The following PCCA variants were observed in gnomAD, a reference collection of about 807,000 sequenced individuals.
The protein encoded by PCCA is propionyl-CoA carboxylase subunit alpha.
PCCA carries 74 observed loss-of-function variants against 101.3 expected under a neutral mutation model. The observed-to-expected ratio is 0.73, with a 90% CI of 0.61 to 0.89. PCCA has a LOEUF of 0.89. Among genes scored for constraint, PCCA ranks in the 40% least tolerant of loss-of-function variants. PCCA has a pLI of 0.00. For missense variants in PCCA, 891 were observed against 907.0 expected, an observed-to-expected ratio of 0.98 and a Z score of 0.23; for synonymous variants, 294 against 313.6, an observed-to-expected ratio of 0.94 and a Z score of 0.66.
intron 19 of PCCA, among the ~76,000 whole-genome samples, chr13:100,420,098 T>C (rs914726142): frequency 1.3e-5 from 2 of 152,254 alleles, no homozygotes; most frequent in African/African-American, 4.8e-5. Flanking sequence ...TGCCTCAGGA[T>C]ATTATGTCAT....
chr13:100,291,857 C>G (rs945979750), intron 12 of PCCA, among the ~76,000 whole-genome samples: 4 of 152,198 alleles, frequency 2.6e-5, no homozygotes, highest in African/African-American at 7.2e-5. Context: ...CTTTGCAAGC[C>G]AGTCTGTCTC....
At chr13:100,120,702 T>TTGGTCA (rs1156301452) in intron 4 of PCCA, among the ~76,000 whole-genome samples, 13 of 152,100 alleles carry the variant, frequency 8.5e-5, no homozygotes, top group African/African-American at 2.9e-4. Flanking sequence ...GAAAGCAAAA[T>TTGGTCA]GGGAGTTAAG....
In PCCA at chr13:100,300,376, C is replaced by A. The variant is rs559863677; in HGVS notation, c.1066-1084C>A. 1.1e-4 allele frequency among the ~76,000 whole-genome samples: 16 copies of A among 152,068 alleles called. No homozygotes were observed. The South Asian group carries it at 3.3e-3, about 32-fold the overall frequency. On this transcript the variant is annotated intron_variant, in intron 12 of 23. Coordinates refer to ENST00000376285, the MANE Select transcript of PCCA (RefSeq NM_000282.4). ...TTTTTTAAGACTATGGCATTGTCTGCTTATGATAAGCTTCAAGATTATTAT... is the reference window on the plus strand; with the variant it reads ...TTTTTTAAGACTATGGCATTGTCTGATTATGATAAGCTTCAAGATTATTAT...
intron 15 of PCCA, 48 bp downstream of exon 15, chr13:100,307,308 T>C: frequency 7.8e-7 from 1 of 1,278,610 alleles, no homozygotes; most frequent in Non-Finnish European, 1.1e-6. Context: ...GAAAAATCAA[T>C]GATATTTAAA....
chr13:100,345,934 C>A (rs1394671160), intron 18 of PCCA, among the ~76,000 whole-genome samples: 1 of 151,732 alleles, frequency 6.6e-6, no homozygotes, highest in African/African-American at 2.4e-5. Context: ...ACATTTACAG[C>A]ATCATTTACT....
At chr13:100,179,522 G>C (rs1462570080) in intron 6 of PCCA, among the ~76,000 whole-genome samples, 1 of 152,112 alleles carries the variant, frequency 6.6e-6, no homozygotes, top group Non-Finnish European at 1.5e-5. Context: ...AGCTCAGTTT[G>C]GTCATGAATA....
At chr13:100,431,359 A>T (rs1417054594) in intron 20 of PCCA, among the ~76,000 whole-genome samples, 1 of 152,134 alleles carries the variant, frequency 6.6e-6, no homozygotes, top group Admixed American at 6.5e-5. Context: ...ATGTGTTGAT[A>T]AAGTAGCTTC....
At chr13:100,347,073 C>T (rs2072365444) in intron 18 of PCCA, among the ~76,000 whole-genome samples, 1 of 152,154 alleles carries the variant, frequency 6.6e-6, no homozygotes. Context: ...GACGGGGTTT[C>T]ACCGTGTTAG....
intron 18 of PCCA, among the ~76,000 whole-genome samples, chr13:100,353,373 A>G (rs1004749559): frequency 2.0e-5 from 3 of 152,184 alleles, no homozygotes; most frequent in Non-Finnish European, 2.9e-5. Context: ...TTACCATACC[A>G]TATACTAGGC....
chr13:100,380,070 C>CA (rs1315745163), intron 19 of PCCA, among the ~76,000 whole-genome samples: 2 of 151,712 alleles, frequency 1.3e-5, no homozygotes, highest in Non-Finnish European at 2.9e-5. Flanking sequence ...CACGAAAAAA[C>CA]AAAAAAACAC....
intron 16 of PCCA, among the ~76,000 whole-genome samples, chr13:100,326,172 A>G (rs1239602131): frequency 1.3e-5 from 2 of 152,210 alleles, no homozygotes; most frequent in African/African-American, 4.8e-5. Flanking sequence ...TTTATGAAAG[A>G]GGCAACCAAG....
chr13:100,230,988 C>T (rs908815694), intron 7 of PCCA, among the ~76,000 whole-genome samples: 1 of 152,302 alleles, frequency 6.6e-6, no homozygotes, highest in African/African-American at 2.4e-5. Context: ...GCCTTCCCCT[C>T]GCCTCTCTCT....
At chr13:100,386,455 C>T (rs2076508030) in intron 19 of PCCA, among the ~76,000 whole-genome samples, 1 of 152,088 alleles carries the variant, frequency 6.6e-6, no homozygotes, top group African/African-American at 2.4e-5. Flanking sequence ...GATCTCAGCT[C>T]ACTGCAAGCT....
At chr13:100,505,338 C>G (rs1447260796) in intron 21 of PCCA, among the ~76,000 whole-genome samples, 1 of 152,220 alleles carries the variant, frequency 6.6e-6, no homozygotes. Flanking sequence ...AACTGTTTCT[C>G]TAATTCACTA....
intron 1 of PCCA, among the ~76,000 whole-genome samples, chr13:100,090,899 T>C (rs1192421137): frequency 6.6e-6 from 1 of 152,216 alleles, no homozygotes; most frequent in Non-Finnish European, 1.5e-5. Flanking sequence ...GTGCTCTTAA[T>C]CATACTATGC....
chr13:100,136,531 A>G (rs1219647022), intron 4 of PCCA, among the ~76,000 whole-genome samples: 1 of 152,044 alleles, frequency 6.6e-6, no homozygotes, highest in Admixed American at 6.6e-5. Context: ...GGGCCTGGAG[A>G]TTTCTTCTTC....
intron 6 of PCCA, among the ~76,000 whole-genome samples, chr13:100,204,304 T>A (rs2058722672): frequency 6.6e-6 from 1 of 152,176 alleles, no homozygotes; most frequent in Admixed American, 6.5e-5. Flanking sequence ...CATGCCTGGC[T>A]AATTTTTATA....
chr13:100,119,202 G>A (rs758922047), intron 4 of PCCA, among the ~76,000 whole-genome samples: 3 of 151,694 alleles, frequency 2.0e-5, no homozygotes, highest in Non-Finnish European at 2.9e-5. Context: ...ATGTATTTGA[G>A]GCCTTTAGTA....
chr13:100,106,411 A>G (rs1270999977), intron 2 of PCCA, among the ~76,000 whole-genome samples: 1 of 151,818 alleles, frequency 6.6e-6, no homozygotes, highest in Non-Finnish European at 1.5e-5. Context: ...GGTTTAGCAC[A>G]TTTATTTATT....
Sources: gnomAD v4.1 joint callset for allele counts (sites outside exome capture counted in the v4.1 genomes callset) on GRCh38, gnomAD v4.1.1 for gene constraint, MANE v1.5 for transcripts, NCBI Gene and HGNC (gene_info 2026-07-23, HGNC 2026-07-21) for gene names.